Variants in NRXN3 observed in about 807,000 individuals in gnomAD.
NRXN3 encodes neurexin 3, also known as neurexin III.
A neutral mutation model predicts 137.6 loss-of-function variants in NRXN3; 32 were observed. That is an observed-to-expected ratio of 0.23 (90% CI 0.18 to 0.31). The LOEUF is 0.31. Among genes scored for constraint, NRXN3 ranks in the 10% least tolerant of loss-of-function variants. The pLI is 1.00. For synonymous variants in NRXN3, 798 were observed against 784.5 expected (o/e 1.02, Z -0.29); for missense variants, 1,574 against 2,062.5 (o/e 0.76, Z 4.59).
intron 9 of NRXN3, among the ~76,000 whole-genome samples, chr14:78,807,605 C>G (rs951282114): frequency 4.6e-5 from 7 of 151,436 alleles, no homozygotes; most frequent in Admixed American, 2.0e-4. Flanking sequence ...CTTGGTGGTG[C>G]GTGCCTGTGA....
chr14:79,031,877 C>T (rs531690961), intron 15 of NRXN3, among the ~76,000 whole-genome samples: 2 of 152,132 alleles, frequency 1.3e-5, no homozygotes, highest in South Asian at 2.1e-4. Flanking sequence ...TTTGTTTAAA[C>T]GTGGTGCAGG....
At chr14:79,478,561 A>G (rs539499975) in intron 16 of NRXN3, among the ~76,000 whole-genome samples, 203 of 152,232 alleles carry the variant, frequency 1.3e-3, no homozygotes, top group Admixed American at 3.1e-3. Context: ...GCTGCCACCA[A>G]TTAGCAGTTA....
At chr14:79,808,130 C>T (rs367907719) in intron 20 of NRXN3, among the ~76,000 whole-genome samples, 5 of 151,514 alleles carry the variant, frequency 3.3e-5, no homozygotes, top group South Asian at 2.1e-4. Flanking sequence ...CCCAGCTACT[C>T]GGGAGGCTGA....
intron 15 of NRXN3, among the ~76,000 whole-genome samples, chr14:79,396,899 C>T (rs920421208): frequency 1.3e-5 from 2 of 152,134 alleles, no homozygotes; most frequent in Non-Finnish European, 2.9e-5. Context: ...CAATGCGCTA[C>T]TTATTAAACT....
Position 79,478,484 on chromosome 14 carries a change from T to G in NRXN3, c.3444+11082T>G, listed in dbSNP as rs1298008233. ...CACTTCAGTCCTCTTACCAGTATTC[T>G]GCATTTCTTCTCTGTCACGGGCATC... is the stretch of plus-strand genomic sequence containing the variant. On this transcript the variant is annotated intron_variant, in intron 16 of 20. Coordinates refer to ENST00000335750, the MANE Select transcript of NRXN3 (RefSeq NM_001330195.2). Among the ~76,000 whole-genome samples, 5 of 152,026 alleles carry G rather than the reference T, an allele frequency of 3.3e-5. No individual in the cohort carries two copies. In the East Asian group the frequency reaches 7.7e-4, roughly 23 times the overall value.
intron 8 of NRXN3, among the ~76,000 whole-genome samples, chr14:78,794,165 G>T (rs188948229): frequency 6.6e-6 from 1 of 152,156 alleles, no homozygotes; most frequent in Non-Finnish European, 1.5e-5. Flanking sequence ...TAGATCACCC[G>T]AGAGGTCAGG....
chr14:78,270,827 T>C (rs541015141), intron 2 of NRXN3, among the ~76,000 whole-genome samples: 7 of 152,378 alleles, frequency 4.6e-5, no homozygotes, highest in Admixed American at 3.9e-4. Context: ...TCTAATGCAA[T>C]TGATGTATTA....
rs763508881 is a variant in NRXN3 at position 79,376,239 on chromosome 14, TATATATATATATATATATATATATATAC to T, written c.3263-90980_3263-90953del. Among the ~76,000 whole-genome samples, 52 of 105,436 alleles carry T rather than the reference TATATATATATATATATATATATATATAC, an allele frequency of 4.9e-4. 1 individual carries two copies. Among genetic ancestry groups the T allele is most frequent in the Non-Finnish European group, 7.0e-4 (35 of 49,774 alleles). 69.2% of individuals were successfully genotyped at this position (105,436 alleles called of 152,430 possible). ...GTATATATATATATATATATATATA[TATATATATATATATATATATATATATAC>T]ACATACATATGACTCCAAAAACAAT... On this transcript the variant is annotated intron_variant, in intron 15 of 20. Transcript: ENST00000335750.
At chr14:78,472,335 A>C (rs906253366) in intron 4 of NRXN3, among the ~76,000 whole-genome samples, 3 of 152,154 alleles carry the variant, frequency 2.0e-5, no homozygotes, top group Non-Finnish European at 4.4e-5. Context: ...TTACTCAACC[A>C]AGGTCATTTG....
intron 4 of NRXN3, among the ~76,000 whole-genome samples, chr14:78,451,238 C>T (rs530601896): frequency 1.1e-4 from 17 of 152,330 alleles, no homozygotes; most frequent in Admixed American, 7.2e-4. Flanking sequence ...CCAATTACAA[C>T]ATACGGGACC....
intron 10 of NRXN3, among the ~76,000 whole-genome samples, chr14:78,935,227 A>G (rs1344874597): frequency 6.6e-6 from 1 of 152,176 alleles, no homozygotes; most frequent in Non-Finnish European, 1.5e-5. Context: ...TGCAGATGAC[A>G]GTGATCAATG....
intron 19 of NRXN3, among the ~76,000 whole-genome samples, chr14:79,708,410 G>A (rs1220641251): frequency 6.6e-6 from 1 of 151,800 alleles, no homozygotes; most frequent in East Asian, 1.9e-4. Flanking sequence ...CACAGATGCT[G>A]AGGAATGACT....
At chr14:78,623,086 A>G (rs1375255788) in intron 4 of NRXN3, among the ~76,000 whole-genome samples, 1 of 152,212 alleles carries the variant, frequency 6.6e-6, no homozygotes, top group African/African-American at 2.4e-5. Flanking sequence ...AGATTAAGTA[A>G]TTTGCTGAAA....
intron 4 of NRXN3, among the ~76,000 whole-genome samples, chr14:78,348,490 T>G (rs1597605447): frequency 1.3e-5 from 2 of 152,306 alleles, no homozygotes; most frequent in Middle Eastern, 6.8e-3. Flanking sequence ...TCTCACTAGG[T>G]GTGGCCTGTA....
intron 4 of NRXN3, among the ~76,000 whole-genome samples, chr14:78,522,568 G>T (rs1460776131): frequency 6.6e-6 from 1 of 151,770 alleles, no homozygotes; most frequent in East Asian, 1.9e-4. Context: ...TTTTTCCTTT[G>T]CACCATATAA....
chr14:78,840,426 C>A (rs1458020622), intron 10 of NRXN3, among the ~76,000 whole-genome samples: 1 of 152,120 alleles, frequency 6.6e-6, no homozygotes, highest in African/African-American at 2.4e-5. Flanking sequence ...ATTTATATTA[C>A]TTAGAAGTTA....
intron 20 of NRXN3, among the ~76,000 whole-genome samples, chr14:79,842,770 T>C (rs2099358818): frequency 6.6e-6 from 1 of 152,170 alleles, no homozygotes; most frequent in Non-Finnish European, 1.5e-5. Context: ...TAATCTGATT[T>C]AGCAAAAATC....
chr14:79,372,272 C>T (rs946714450), intron 15 of NRXN3, among the ~76,000 whole-genome samples: 18 of 152,080 alleles, frequency 1.2e-4, no homozygotes, highest in Non-Finnish European at 4.4e-5. Context: ...CTAAAGCATT[C>T]GAAGATTGAT....
At chr14:78,204,400 G>A (rs1053143804) in intron 1 of NRXN3, among the ~76,000 whole-genome samples, 2 of 151,874 alleles carry the variant, frequency 1.3e-5, no homozygotes, top group African/African-American at 4.8e-5. Context: ...CTTTGTCAGC[G>A]TAATGCAGAA....
Sources: allele counts gnomAD v4.1 joint callset (sites outside exome capture counted in the v4.1 genomes callset), GRCh38; gene constraint gnomAD v4.1.1; transcripts MANE v1.5; gene names NCBI Gene and HGNC (gene_info 2026-07-23, HGNC 2026-07-21).